Variants in EIF2AK4 observed in about 807,000 individuals in gnomAD.
EIF2AK4 encodes the protein eIF-2-alpha kinase GCN2.
A neutral mutation model predicts 211.1 loss-of-function variants in EIF2AK4; 139 were observed. The ratio of observed to expected loss-of-function variants is 0.66; its 90% CI spans 0.57 to 0.76. The LOEUF is 0.76. EIF2AK4 is among the 30% of genes least tolerant of loss of function. The pLI is 0.00. For missense variants in EIF2AK4, 1,664 were observed against 2,043.8 expected (o/e 0.81, Z 3.58); for synonymous variants, 710 against 751.3 (o/e 0.94, Z 0.90).
chr15:40,026,302 T>G (rs1375318124), intron 33 of EIF2AK4, among the ~76,000 whole-genome samples: 1 of 152,130 alleles, frequency 6.6e-6, no homozygotes, highest in East Asian at 1.9e-4. Flanking sequence ...AAAAAAAATT[T>G]TTTTGATTAG....
At chr15:40,032,030 G>T in intron 35 of EIF2AK4, 139 bp from the exon 36 acceptor site, 1 of 780,818 alleles carries the variant, frequency 1.3e-6, no homozygotes, top group Non-Finnish European at 2.2e-6. Context: ...CCAGCCAAGG[G>T]CAAACCTTTA....
intron 32 of EIF2AK4, among the ~76,000 whole-genome samples, chr15:40,023,518 A>C (rs781412676): frequency 5.3e-5 from 8 of 152,160 alleles, no homozygotes; most frequent in Non-Finnish European, 7.3e-5. Context: ...TTCTAGAGGC[A>C]GCTTTGGTAG....
chr15:39,981,440 A>G lies in EIF2AK4; in HGVS notation c.2319+3293A>G, dbSNP rs190630070. Among the ~76,000 whole-genome samples the G allele has an allele frequency of 9.6e-4, 146 of 152,300 alleles. 1 individual carries two copies. The highest frequency in any genetic ancestry group is 1.8e-3 in the Non-Finnish European group (120 of 68,018). On this transcript the variant is annotated intron_variant, in intron 13 of 38. Coordinates refer to ENST00000263791, the MANE Select transcript of EIF2AK4 (RefSeq NM_001013703.4). ...TTTGGTGTTAGCATTTGTTATGCAC[A>G]TAATTATTACAGGGGCACCAAATCC...
In EIF2AK4 at chr15:39,956,701, G is replaced by T. The variant is rs147278735; in HGVS notation, c.743+933G>T. ...TACACCAGAAAGGAATTTTGGTGAAGAAACCATTTATGAGTGGGGTGGGTT... is the reference window on the plus strand; with the variant it reads ...TACACCAGAAAGGAATTTTGGTGAATAAACCATTTATGAGTGGGGTGGGTT... On this transcript the variant is annotated intron_variant, in intron 6 of 38. Coordinates refer to ENST00000263791, the MANE Select transcript of EIF2AK4 (RefSeq NM_001013703.4). Among the ~76,000 whole-genome samples, 676 of 152,298 alleles carry T rather than the reference G, an allele frequency of 4.4e-3. 2 individuals are homozygous for T. The highest frequency in any genetic ancestry group is 0.01 in the Middle Eastern group (3 of 294).
At chr15:40,032,655 A>G in intron 36 of EIF2AK4, 102 bp from the exon 37 acceptor site, 1 of 1,042,140 alleles carries the variant, frequency 9.6e-7, no homozygotes, top group South Asian at 1.5e-5. Flanking sequence ...AGCATCTCAG[A>G]CTCTGCAAAC....
intron 4 of EIF2AK4, among the ~76,000 whole-genome samples, chr15:39,952,252 C>T (rs553937778): frequency 6.6e-6 from 1 of 151,844 alleles, no homozygotes; most frequent in South Asian, 2.1e-4. Flanking sequence ...TTTTTCCATC[C>T]AGGGCTGTTT....
chr15:39,990,379 T>C lies in EIF2AK4; in HGVS notation c.2631+2T>C. On this transcript the variant is annotated splice_donor_variant, in intron 16 of 38. Coordinates refer to ENST00000263791, the MANE Select transcript of EIF2AK4 (RefSeq NM_001013703.4). LOFTEE classifies it high-confidence loss of function. ...GCGACAGACCATCTAGCCTTTTCTG[T>C]AAGTATTTTAAAAATTAGACTGTAC... The C allele has an allele frequency of 6.2e-7, 1 of 1,612,094 alleles. No individual in the cohort carries two copies. The highest frequency in any genetic ancestry group is 1.3e-5 in the African/African-American group (1 of 74,978).
At chr15:39,959,800 G>T (rs2034441156) in intron 6 of EIF2AK4, among the ~76,000 whole-genome samples, 1 of 152,170 alleles carries the variant, frequency 6.6e-6, no homozygotes, top group African/African-American at 2.4e-5. Flanking sequence ...GTCCCTAGTT[G>T]CACACATAAC....
intron 22 of EIF2AK4, 119 bp from the exon 23 acceptor site, chr15:40,003,074 G>T (rs1274179810): frequency 4.4e-5 from 63 of 1,421,156 alleles, no homozygotes; most frequent in Non-Finnish European, 5.9e-5. Context: ...AAGAAAAATT[G>T]ATATGACTTC....
At chr15:40,024,638 T>C (rs1226648698) in intron 32 of EIF2AK4, among the ~76,000 whole-genome samples, 4 of 151,028 alleles carry the variant, frequency 2.6e-5, no homozygotes, top group African/African-American at 7.3e-5. Flanking sequence ...GACCTCATGA[T>C]CCACCCACCT....
chr15:39,998,682 C>G, intron 19 of EIF2AK4, 49 bp from the exon 20 acceptor site: 1 of 1,422,826 alleles, frequency 7.0e-7, no homozygotes, highest in Non-Finnish European at 9.8e-7. Context: ...TAAATGCTTT[C>G]ACTGTGGCAG....
chr15:40,032,002 G>A (rs560481491), intron 35 of EIF2AK4, among the ~76,000 whole-genome samples, 167 bp from the exon 36 acceptor site: 3 of 152,268 alleles, frequency 2.0e-5, no homozygotes, highest in East Asian at 3.9e-4. Flanking sequence ...CTGGGATTAC[G>A]GGCATGAGCC....
chr15:39,934,262 C>G lies in EIF2AK4; in HGVS notation c.67C>G (p.Gln23Glu), dbSNP rs749915180. ...GCCTCCGGAGAGCTACCCGCAACGA[C>G]AGGACCACGAGCTACAGGCCCTGGA... ...DEPPESYPQR[Q>E]DHELQALEAI... The change falls in exon 1 of 39, where the codon CAG becomes GAG. Residue 23 changes from glutamine to glutamate, a missense_variant. Gln to Glu is a conservative substitution (Grantham distance 29). This residue lies in a region of EIF2AK4 where 641 missense variants were observed against 729.6 expected (regional missense o/e 0.88). Coordinates refer to ENST00000263791, the MANE Select transcript of EIF2AK4 (RefSeq NM_001013703.4). The G allele has an allele frequency of 6.2e-7, 1 of 1,611,128 alleles. No individual in the cohort carries two copies. Among genetic ancestry groups the G allele is most frequent in the Admixed American group, 1.7e-5 (1 of 59,792 alleles).
intron 23 of EIF2AK4, among the ~76,000 whole-genome samples, chr15:40,005,488 C>A (rs1447558877): frequency 6.6e-6 from 1 of 151,692 alleles, no homozygotes; most frequent in Non-Finnish European, 1.5e-5. Context: ...CAGAGCAAGA[C>A]CCTGTCTGAA....
rs2034562698 is a variant in EIF2AK4 at position 39,967,609 on chromosome 15, C to T, written c.1283C>T (p.Ala428Val). 6.2e-7 allele frequency: 1 copy of T among 1,614,108 alleles called. No individual in the cohort carries two copies. The highest frequency in any genetic ancestry group is 8.5e-7 in the Non-Finnish European group (1 of 1,180,010). ...SNSVVHKVLS[A>V]SNVLVDAEGT... ...TCTGTGGTGCATAAGGTCCTGAGTG[C>T]ATCTAATGTCTTGGTGGATGCAGAA... is the stretch of plus-strand genomic sequence containing the variant. The change falls in exon 9 of 39, where the codon GCA becomes GTA. Residue 428 changes from alanine (A) to valine (V), a missense_variant. By Grantham distance (64) the Ala-to-Val change is moderately conservative. Transcript: ENST00000263791.
chr15:40,025,991 G>A lies in EIF2AK4; in HGVS notation c.4404G>A (p.Glu1468=). The A allele has an allele frequency of 3.1e-6, 5 of 1,614,060 alleles. No homozygotes were observed. Among genetic ancestry groups the A allele is most frequent in the Non-Finnish European group, 4.2e-6 (5 of 1,179,980 alleles). Residue 1468 remains glutamate, a synonymous_variant, in exon 33 of 39, where the codon GAG becomes GAA. Coordinates refer to ENST00000263791, the MANE Select transcript of EIF2AK4 (RefSeq NM_001013703.4). ...EGSHVKVKSF[E]KERQTEKRVL... ...TTCTTTTTAAGGTTAAGTCTTTCGA[G>A]AAGGAAAGGCAGACAGAGAAGCGTG...
intron 23 of EIF2AK4, 38 bp from the exon 24 acceptor site, chr15:40,006,974 CACAT>C: frequency 6.8e-7 from 1 of 1,474,742 alleles, no homozygotes; most frequent in Non-Finnish European, 9.4e-7. Context: ...TAACAAAAGG[CACAT>C]TTTGACATTG....
chr15:40,005,991 A>C (rs891264931), intron 23 of EIF2AK4, among the ~76,000 whole-genome samples: 1 of 152,164 alleles, frequency 6.6e-6, no homozygotes, highest in African/African-American at 2.4e-5. Flanking sequence ...AAAATTCACA[A>C]AGCTCCAAAA....
chr15:39,984,091 C>A (rs540328736), intron 13 of EIF2AK4, among the ~76,000 whole-genome samples: 4 of 152,294 alleles, frequency 2.6e-5, no homozygotes, highest in African/African-American at 9.6e-5. Context: ...TTTCCCAACA[C>A]CATTTATTAA....
Sources: gnomAD v4.1 joint callset for allele counts (sites outside exome capture counted in the v4.1 genomes callset) on GRCh38, gnomAD v4.1.1 for gene constraint, gnomAD v4.1.1 regional missense constraint, MANE v1.5 for transcripts, NCBI Gene and HGNC (gene_info 2026-07-23, HGNC 2026-07-21) for gene names.